Variants in PTBP2 observed in about 807,000 individuals in gnomAD.
PTBP2 encodes the protein polypyrimidine tract-binding protein 2.
PTBP2 carries 13 observed loss-of-function variants against 61.4 expected under a neutral mutation model. The ratio of observed to expected loss-of-function variants is 0.21; its 90% confidence interval spans 0.14 to 0.34. The LOEUF is 0.34. PTBP2 is among the 10% of genes least tolerant of loss of function. PTBP2 has a pLI of 1.00. For missense variants in PTBP2, 405 were observed against 642.6 expected, an observed-to-expected ratio of 0.63 and a Z score of 4.00; for synonymous variants, 215 against 218.5, an observed-to-expected ratio of 0.98 and a Z score of 0.14.
chr1:96,751,409 GT>G lies in PTBP2; in HGVS notation c.40-11del. The G allele has an allele frequency of 6.3e-7, 1 of 1,596,114 alleles. No individual in the cohort carries two copies. Among genetic ancestry groups the G allele is most frequent in the South Asian group, 1.1e-5 (1 of 90,172 alleles). ...ATTTAAAGATGTCTTATGCTAATTT[GT>G]TTTTGTTTTCATAGAGAGGATCTGA... On this transcript the variant is annotated splice_polypyrimidine_tract_variant and intron_variant, in intron 2 of 13. Coordinates refer to ENST00000674951, the MANE Select transcript of PTBP2 (RefSeq NM_021190.4).
intron 3 of PTBP2, among the ~76,000 whole-genome samples, chr1:96,752,503 T>G (rs1654674715): frequency 6.6e-6 from 1 of 152,072 alleles, no homozygotes; most frequent in South Asian, 2.1e-4. Flanking sequence ...ATAATAGTCA[T>G]GATGTGAAGA....
chr1:96,749,707 A>T (rs116337784), intron 2 of PTBP2: 1 of 454,942 alleles, frequency 2.2e-6, no homozygotes, highest in Admixed American at 2.3e-5. Flanking sequence ...TACTTAGTCA[A>T]TAAATATGTG....
intron 2 of PTBP2, among the ~76,000 whole-genome samples, chr1:96,746,886 C>CGT: frequency 2.3e-5 from 1 of 42,924 alleles, no homozygotes; most frequent in Non-Finnish European, 3.9e-5. Flanking sequence ...TCCCTCCCTC[C>CGT]CTCCCTCCCT....
intron 11 of PTBP2, 89 bp from the exon 12 acceptor site, chr1:96,812,623 A>G: frequency 9.4e-7 from 1 of 1,063,188 alleles, no homozygotes. Context: ...TCATAAGAAA[A>G]TTCAAATTTT....
At chr1:96,783,790 A>G (rs1658942641) in intron 7 of PTBP2, among the ~76,000 whole-genome samples, 3 of 152,042 alleles carry the variant, frequency 2.0e-5, no homozygotes, top group Admixed American at 6.6e-5. Context: ...ATTAATAGTT[A>G]TGTTATTCTG....
intron 2 of PTBP2, among the ~76,000 whole-genome samples, chr1:96,729,512 T>C (rs1474036849): frequency 1.3e-5 from 2 of 152,172 alleles, no homozygotes; most frequent in African/African-American, 4.8e-5. Context: ...TAAAATTTCT[T>C]CCTTAACTGA....
intron 8 of PTBP2, among the ~76,000 whole-genome samples, chr1:96,800,942 A>G (rs994881589): frequency 2.0e-5 from 3 of 152,152 alleles, no homozygotes; most frequent in South Asian, 2.1e-4. Context: ...GAAAACAATT[A>G]TGTCTTAAAT....
In PTBP2 at chr1:96,787,070, G is replaced by C. The variant is rs1044839696; in HGVS notation, c.904+1816G>C. On this transcript the variant is annotated intron_variant, in intron 8 of 13. Transcript: ENST00000674951. ...GAATCTCACTCTGTCGCCCGTGTCAGAGTGTGGTGGCGCAGTCTCGGCTCA... is the reference window on the plus strand; with the variant it reads ...GAATCTCACTCTGTCGCCCGTGTCACAGTGTGGTGGCGCAGTCTCGGCTCA... Among the ~76,000 whole-genome samples, 3 of 152,212 alleles carry C rather than the reference G, an allele frequency of 2.0e-5. 1 individual carries two copies. The highest frequency in any genetic ancestry group is 1.5e-5 in the Non-Finnish European group (1 of 67,996).
At chr1:96,791,832 T>TTTGTTTTTTTTTTGTTTTTG (rs1346568221) in intron 8 of PTBP2, among the ~76,000 whole-genome samples, 2 of 132,896 alleles carry the variant, frequency 1.5e-5, no homozygotes, top group Non-Finnish European at 3.2e-5. Flanking sequence ...TGTGCTTTTT[T>TTTGTTTTTTTTTTGTTTTTG]TTTTTTTTTT....
At position 96,813,910 on chromosome 1, in the gene PTBP2, G is replaced by A. The variant is rs971712254; in HGVS notation, c.*505G>A. ...TTCTATTTAATCAAATAAGATACAT[G>A]ATATTGAAAGAATAAAGCAGCATTT... On this transcript the variant is annotated 3_prime_UTR_variant, in exon 14 of 14. Transcript: ENST00000674951. 6.6e-6 allele frequency: 1 copy of A among 152,206 alleles called. No homozygotes were observed. The highest frequency in any genetic ancestry group is 2.4e-5 in the African/African-American group (1 of 41,366). 9.4% of individuals were successfully genotyped at this position (152,206 alleles called of 1,614,324 possible).
intron 5 of PTBP2, among the ~76,000 whole-genome samples, chr1:96,773,271 T>TA (rs1183380949): frequency 6.6e-6 from 1 of 152,104 alleles, no homozygotes; most frequent in African/African-American, 2.4e-5. Flanking sequence ...ATAAGCCACT[T>TA]ATTCCAGACA....
intron 8 of PTBP2, among the ~76,000 whole-genome samples, chr1:96,788,727 A>T (rs1659472011): frequency 6.6e-6 from 1 of 152,024 alleles, no homozygotes; most frequent in African/African-American, 2.4e-5. Flanking sequence ...TTTATATTAG[A>T]TCTAGCTACT....
intron 8 of PTBP2, among the ~76,000 whole-genome samples, chr1:96,788,175 C>G (rs753757624): frequency 6.6e-6 from 1 of 152,084 alleles, no homozygotes; most frequent in African/African-American, 2.4e-5. Flanking sequence ...TGCTAAATTG[C>G]TTGCCTGCAT....
exon 14 of PTBP2, chr1:96,822,330 G>A (rs1330673478): frequency 6.6e-6 from 1 of 152,050 alleles, no homozygotes; most frequent in Non-Finnish European, 1.5e-5. Flanking sequence ...AAAAGTTGGG[G>A]ACAAAAAAGG....
At chr1:96,791,774 T>A (rs1430252333) in intron 8 of PTBP2, among the ~76,000 whole-genome samples, 1 of 151,708 alleles carries the variant, frequency 6.6e-6, no homozygotes, top group East Asian at 1.9e-4. Context: ...GCTCAAAAAT[T>A]ATTAACTTAA....
At chr1:96,793,203 T>G (rs1660030149) in intron 8 of PTBP2, among the ~76,000 whole-genome samples, 1 of 152,188 alleles carries the variant, frequency 6.6e-6, no homozygotes, top group Admixed American at 6.5e-5. Context: ...TCTTTATATG[T>G]GCAATTTTAA....
chr1:96,751,382 A>C (rs769149460), intron 2 of PTBP2, 43 bp from the exon 3 acceptor site: 1 of 1,418,880 alleles, frequency 7.0e-7, no homozygotes, highest in South Asian at 1.2e-5. Flanking sequence ...TAATATTTTT[A>C]AATTTAAAGA....
intron 8 of PTBP2, among the ~76,000 whole-genome samples, chr1:96,794,118 C>G (rs1476061504): frequency 6.6e-6 from 1 of 152,160 alleles, no homozygotes; most frequent in African/African-American, 2.4e-5. Flanking sequence ...AAATTTATTT[C>G]ATTTGTTAAT....
intron 8 of PTBP2, among the ~76,000 whole-genome samples, chr1:96,795,081 G>T: frequency 6.6e-6 from 1 of 152,126 alleles, no homozygotes; most frequent in East Asian, 1.9e-4. Context: ...CTTTTTTCAG[G>T]TTATGAAAGC....
Sources: allele counts gnomAD v4.1 joint callset (sites outside exome capture counted in the v4.1 genomes callset), GRCh38; gene constraint gnomAD v4.1.1; transcripts MANE v1.5; gene names NCBI Gene and HGNC (gene_info 2026-07-23, HGNC 2026-07-21).